Variants in DLC1 observed in about 807,000 individuals in gnomAD.
DLC1 encodes DLC1 Rho GTPase activating protein, also known as rho GTPase-activating protein 7.
In DLC1, 54 loss-of-function variants were observed where a neutral mutation model predicts 140.3. The ratio of observed to expected loss-of-function variants is 0.38; its 90% CI spans 0.31 to 0.48. The LOEUF (loss-of-function observed/expected upper bound fraction) is 0.48. DLC1 is among the 20% of genes least tolerant of loss of function. The probability of loss-of-function intolerance (pLI) is 0.96; values close to 1 mark genes in which losing one functional copy is unlikely to be tolerated. For missense variants in DLC1, 2,536 were observed against 1,907.0 expected (o/e 1.33, Z -6.14); for synonymous variants, 986 against 728.1 (o/e 1.35, Z -5.70).
At chr8:13,146,610 A>G (rs750991373) in intron 5 of DLC1, among the ~76,000 whole-genome samples, 33 of 151,960 alleles carry the variant, frequency 2.2e-4, no homozygotes, top group Non-Finnish European at 4.3e-4. Flanking sequence ...ATTAATATCA[A>G]CTTTATTATT....
At chr8:13,401,703 A>G in intron 2 of DLC1, 84 bp from the exon 3 acceptor site, 1 of 1,511,684 alleles carries the variant, frequency 6.6e-7, no homozygotes, top group Non-Finnish European at 8.9e-7. Flanking sequence ...CAATGTGACA[A>G]AAAGTACACT....
chr8:13,461,185 G>T (rs1328728981), intron 2 of DLC1, among the ~76,000 whole-genome samples: 1 of 152,250 alleles, frequency 6.6e-6, no homozygotes, highest in Non-Finnish European at 1.5e-5. Flanking sequence ...ACCCCAGCCT[G>T]GCGGACAGAG....
At chr8:13,266,704 C>T (rs572053914) in intron 5 of DLC1, among the ~76,000 whole-genome samples, 3 of 152,024 alleles carry the variant, frequency 2.0e-5, no homozygotes, top group Non-Finnish European at 4.4e-5. Flanking sequence ...GAGATCCTGC[C>T]ACTGCACTCC....
At chr8:13,535,760 A>T (rs2117317495) in intron 1 of DLC1, among the ~76,000 whole-genome samples, 1 of 151,546 alleles carries the variant, frequency 6.6e-6, no homozygotes, top group East Asian at 1.9e-4. Flanking sequence ...CTAAGTCATT[A>T]TGCTGTATTT....
rs189603172 is a variant in DLC1 at position 13,508,538 on chromosome 8, C to G, written c.-126+6064G>C. On this transcript the variant is annotated intron_variant, in intron 1 of 17. Transcript: ENST00000276297. ...GTTCATGCCATTCCCCTGCTTCAGC[C>G]TCCTCAGTAACTGGGACTACAGGTG... Among the ~76,000 whole-genome samples, 50 of 152,122 alleles carry G rather than the reference C, an allele frequency of 3.3e-4. 1 individual carries two copies. Among genetic ancestry groups the G allele is most frequent in the Admixed American group, 8.5e-4 (13 of 15,282 alleles).
intron 2 of DLC1, among the ~76,000 whole-genome samples, chr8:13,443,097 C>G (rs1400964772): frequency 6.6e-6 from 1 of 151,290 alleles, no homozygotes; most frequent in Non-Finnish European, 1.5e-5. Context: ...AGCAAACTAT[C>G]TCAAGGACAA....
At chr8:13,299,700 G>A (rs1832106940) in intron 5 of DLC1, among the ~76,000 whole-genome samples, 1 of 152,058 alleles carries the variant, frequency 6.6e-6, no homozygotes, top group Non-Finnish European at 1.5e-5. Flanking sequence ...GCTCCTTGCG[G>A]GAAACAAATG....
chr8:13,225,391 C>T (rs1306354044), intron 5 of DLC1, among the ~76,000 whole-genome samples: 2 of 152,064 alleles, frequency 1.3e-5, no homozygotes, highest in Non-Finnish European at 2.9e-5. Flanking sequence ...CCGGTTGGCA[C>T]CTACAACCAG....
At chr8:13,308,890 G>C (rs973945854) in intron 4 of DLC1, among the ~76,000 whole-genome samples, 8 of 152,124 alleles carry the variant, frequency 5.3e-5, no homozygotes, top group Admixed American at 3.3e-4. Context: ...GGATAGATTT[G>C]GGTCCATGTC....
chr8:13,189,714 C>G (rs561448503), intron 5 of DLC1, among the ~76,000 whole-genome samples: 22 of 152,218 alleles, frequency 1.4e-4, no homozygotes, highest in Non-Finnish European at 2.4e-4. Context: ...GAAACCTCAT[C>G]TCTACTAAAA....
intron 2 of DLC1, among the ~76,000 whole-genome samples, chr8:13,429,733 A>G (rs1838771865): frequency 6.6e-6 from 1 of 152,232 alleles, no homozygotes; most frequent in Admixed American, 6.5e-5. Context: ...TAGAATCTCT[A>G]GATTTTAAAT....
At chr8:13,184,731 T>A (rs1826246200) in intron 5 of DLC1, among the ~76,000 whole-genome samples, 1 of 152,164 alleles carries the variant, frequency 6.6e-6, no homozygotes, top group African/African-American at 2.4e-5. Context: ...TGTGGTCAAT[T>A]TTAGAATAAG....
chr8:13,471,632 T>A (rs796878901), intron 2 of DLC1, among the ~76,000 whole-genome samples: 2 of 151,388 alleles, frequency 1.3e-5, no homozygotes, highest in Non-Finnish European at 2.9e-5. Context: ...CAAAACCCTA[T>A]GACACGAGTT....
At position 13,148,918 on chromosome 8, in the gene DLC1, G is replaced by A. The variant is rs190399298; in HGVS notation, c.1349-33261C>T. ...CACCATTCTCCAGCCTCAGCCTGCC[G>A]AGTAGCTGGGACTACAGCTGCCCGT... On this transcript the variant is annotated intron_variant, in intron 5 of 17. Transcript: ENST00000276297. Among the ~76,000 whole-genome samples, 92 of 152,116 alleles carry A rather than the reference G, an allele frequency of 6.0e-4. No individual in the cohort carries two copies. In the East Asian group the frequency reaches 8.1e-3, roughly 13 times the overall value.
chr8:13,395,749 A>G (rs1563312297), intron 3 of DLC1, among the ~76,000 whole-genome samples: 1 of 146,914 alleles, frequency 6.8e-6, no homozygotes, highest in Admixed American at 7.0e-5. Context: ...ATGTATGTGC[A>G]TGTGTGTGTG....
Position 13,484,605 on chromosome 8 carries a change from C to T in DLC1, c.1023+14444G>A, listed in dbSNP as rs1347988846. Among the ~76,000 whole-genome samples, 17 of 152,018 alleles carry T rather than the reference C, an allele frequency of 1.1e-4. 1 individual carries two copies. Among genetic ancestry groups the T allele is most frequent in the Admixed American group, 1.1e-3 (17 of 15,258 alleles). ...CGAGTGATGGCTATTGGTTACAACT[C>T]ATTCTTGATTCTATGTATCTGTTTA... On this transcript the variant is annotated intron_variant, in intron 2 of 17. Transcript: ENST00000276297.
chr8:13,161,598 A>T (rs1824704445), intron 5 of DLC1, among the ~76,000 whole-genome samples: 1 of 152,042 alleles, frequency 6.6e-6, no homozygotes, highest in Non-Finnish European at 1.5e-5. Flanking sequence ...TAGCCTCCCA[A>T]AGTCTTGGGA....
At chr8:13,312,381 A>AAAAAAAAAAAG (rs1832708249) in intron 4 of DLC1, among the ~76,000 whole-genome samples, 1 of 117,180 alleles carries the variant, frequency 8.5e-6, no homozygotes, top group Admixed American at 8.8e-5. Context: ...AAAAAAAAAA[A>AAAAAAAAAAAG]AAAAAAATAA....
chr8:13,195,141 C>T (rs1274151340), intron 5 of DLC1, among the ~76,000 whole-genome samples: 2 of 152,128 alleles, frequency 1.3e-5, no homozygotes, highest in Non-Finnish European at 2.9e-5. Flanking sequence ...TGGCCCAAAC[C>T]AATACTATAT....
Sources: allele counts gnomAD v4.1 joint callset (sites outside exome capture counted in the v4.1 genomes callset), GRCh38; gene constraint gnomAD v4.1.1; transcripts MANE v1.5; gene names NCBI Gene and HGNC (gene_info 2026-07-23, HGNC 2026-07-21).